Variants in MSI2 observed in about 807,000 individuals in gnomAD.
MSI2 encodes musashi RNA binding protein 2, also known as RNA-binding protein Musashi homolog 2.
In MSI2, 17 loss-of-function variants were observed where a neutral mutation model predicts 45.6. The ratio of observed to expected loss-of-function variants is 0.37; its 90% CI spans 0.26 to 0.56. The LOEUF is 0.56. Among genes scored for constraint, MSI2 ranks in the 20% least tolerant of loss-of-function variants. The pLI is 0.77. For synonymous variants in MSI2, 156 were observed against 158.2 expected, an observed-to-expected ratio of 0.99 and a Z score of 0.11; for missense variants, 293 against 444.2, an observed-to-expected ratio of 0.66 and a Z score of 3.06.
intron 7 of MSI2, among the ~76,000 whole-genome samples, chr17:57,586,788 G>A (rs527712514): frequency 6.6e-6 from 1 of 151,988 alleles, no homozygotes; most frequent in East Asian, 1.9e-4. Flanking sequence ...CAAAATGGGA[G>A]GATCACTTGA....
intron 7 of MSI2, among the ~76,000 whole-genome samples, chr17:57,550,361 T>C (rs2087275488): frequency 6.6e-6 from 1 of 152,212 alleles, no homozygotes. Context: ...TTGGGACTTG[T>C]TCTTCTCCTT....
chr17:57,534,411 G>T, intron 7 of MSI2, among the ~76,000 whole-genome samples: 1 of 152,216 alleles, frequency 6.6e-6, no homozygotes, highest in Non-Finnish European at 1.5e-5. Context: ...GAGCAGAGCT[G>T]TTGTTAAAAC....
chr17:57,343,077 A>G (rs1449298710), intron 5 of MSI2, among the ~76,000 whole-genome samples: 2 of 152,238 alleles, frequency 1.3e-5, no homozygotes, highest in African/African-American at 4.8e-5. Flanking sequence ...GACACGGGTC[A>G]TGATGACTTC....
rs1237534906 is a variant in MSI2, at chr17:57,596,858, T to A, written c.455-10T>A. Reference sequence around the variant, plus strand: ...TCTCTTTGTTTTTTCTTCTCTCTCTTTTCCTTTAGGGTTTGGCTTTGTCAC... The same window carrying A: ...TCTCTTTGTTTTTTCTTCTCTCTCTATTCCTTTAGGGTTTGGCTTTGTCAC... On this transcript the variant is annotated splice_polypyrimidine_tract_variant and intron_variant, in intron 7 of 13. Coordinates refer to ENST00000284073, the MANE Select transcript of MSI2 (RefSeq NM_138962.4). This position sits in a 1 kb window ranked among gnomAD's most constrained non-coding sequence, Gnocchi z 4.6. 6.2e-7 allele frequency: 1 copy of A among 1,607,340 alleles called. No homozygotes were observed. The highest frequency in any genetic ancestry group is 8.5e-7 in the Non-Finnish European group (1 of 1,174,034).
intron 8 of MSI2, among the ~76,000 whole-genome samples, chr17:57,599,813 G>A (rs1261082851): frequency 6.6e-6 from 1 of 152,212 alleles, no homozygotes; most frequent in Non-Finnish European, 1.5e-5. Flanking sequence ...CTGAGCTCCA[G>A]TAAGACAGGG....
intron 6 of MSI2, among the ~76,000 whole-genome samples, chr17:57,519,536 C>T (rs1261258191): frequency 6.6e-5 from 10 of 152,106 alleles, no homozygotes; most frequent in Non-Finnish European, 1.0e-4. Flanking sequence ...CCGGTGATCT[C>T]GAGCTTTTGG....
At chr17:57,644,130 C>G (rs1325146759) in intron 10 of MSI2, among the ~76,000 whole-genome samples, 1 of 152,182 alleles carries the variant, frequency 6.6e-6, no homozygotes, top group South Asian at 2.1e-4. Context: ...GTGTTGGTAC[C>G]CTTGGGAATG....
rs978810248 is a variant in MSI2 at position 57,286,129 on chromosome 17, A to C, written c.312+23937A>C. The stretch of plus-strand genomic sequence containing the variant: ...TCTTTTGTCTAATACCTAATTCCTT[A>C]TCTCATTTTTGGGATTTTGAGAGAA... On this transcript the variant is annotated intron_variant, in intron 5 of 13. Transcript: ENST00000284073. The C allele has an allele frequency of 6.3e-6, 4 of 633,912 alleles. No individual in the cohort carries two copies. In the African/African-American group the frequency reaches 7.5e-5, roughly 12 times the overall value. The allele number at this position is 633,912 out of a possible 1,614,324, so 39.3% of individuals were successfully genotyped here. A position where few individuals can be genotyped will look rare whatever the true frequency, so the allele number is the denominator to read the frequency against.
chr17:57,340,418 G>A (rs1915037412), intron 5 of MSI2, among the ~76,000 whole-genome samples: 1 of 152,184 alleles, frequency 6.6e-6, no homozygotes, highest in African/African-American at 2.4e-5. Flanking sequence ...CTCTTTGGAG[G>A]CTGAAATGAG....
At chr17:57,288,628 C>T (rs1023744138) in intron 5 of MSI2, among the ~76,000 whole-genome samples, 1 of 152,120 alleles carries the variant, frequency 6.6e-6, no homozygotes, top group Non-Finnish European at 1.5e-5. Flanking sequence ...ATCCCAGTGT[C>T]TAGATGATAG....
At chr17:57,690,285 T>C in the MSI2 span, among the ~76,000 whole-genome samples, 1 of 152,068 alleles carries the variant, frequency 6.6e-6, no homozygotes, top group Admixed American at 6.6e-5. Flanking sequence ...TCTTCTTTGA[T>C]GAAGTACTTG....
intron 7 of MSI2, among the ~76,000 whole-genome samples, chr17:57,554,238 AG>A (rs55697922): frequency 0.016 from 1,407 of 88,414 alleles, 22 homozygotes; most frequent in African/African-American, 0.054. Context: ...GGGGCGGGGG[AG>A]GGGGGGGATG....
At chr17:57,505,992 C>T (rs1448272861) in intron 6 of MSI2, among the ~76,000 whole-genome samples, 1 of 152,194 alleles carries the variant, frequency 6.6e-6, no homozygotes, top group Non-Finnish European at 1.5e-5. Context: ...TGATGGCCCC[C>T]TCCAGACTCT....
At chr17:57,530,522 T>TA (rs2086800049) in intron 7 of MSI2, among the ~76,000 whole-genome samples, 1 of 152,116 alleles carries the variant, frequency 6.6e-6, no homozygotes, top group Admixed American at 6.5e-5. Flanking sequence ...GGTGATGACT[T>TA]AGTGTTCTGT....
At chr17:57,454,704 G>A (rs948984927) in intron 6 of MSI2, among the ~76,000 whole-genome samples, 1 of 152,136 alleles carries the variant, frequency 6.6e-6, no homozygotes, top group Non-Finnish European at 1.5e-5. Flanking sequence ...CAAAGTGCTG[G>A]GATTGCAGGC....
At chr17:57,632,716 T>C in intron 10 of MSI2, 1 of 1,065,948 alleles carries the variant, frequency 9.4e-7, no homozygotes, top group East Asian at 5.0e-5. Flanking sequence ...TCTCTTGGAA[T>C]AATGACGTAC....
At chr17:57,675,875 T>C (rs1913192954) in intron 12 of MSI2, among the ~76,000 whole-genome samples, 1 of 152,202 alleles carries the variant, frequency 6.6e-6, no homozygotes, top group Admixed American at 6.5e-5. Context: ...GCTTAACAGA[T>C]TTGCATGCTG....
intron 5 of MSI2, among the ~76,000 whole-genome samples, chr17:57,387,327 C>A (rs984547244): frequency 1.3e-5 from 2 of 152,156 alleles, no homozygotes; most frequent in African/African-American, 4.8e-5. Context: ...CTGTTGTTTC[C>A]TTTTCTCTTC....
rs71139995 is a variant in MSI2 at position 57,440,413 on chromosome 17, C to CGTGTGTGTGTGTGTGT, written c.405+38981_405+38996dup. Among the ~76,000 whole-genome samples, 1,012 of 104,578 alleles carry CGTGTGTGTGTGTGTGT rather than the reference C, an allele frequency of 9.7e-3. 72 individuals carry two copies. Among genetic ancestry groups the CGTGTGTGTGTGTGTGT allele is most frequent in the East Asian group, 0.025 (72 of 2,904 alleles). The allele number at this position is 104,578 out of a possible 152,430, so 68.6% of individuals were successfully genotyped here. ...ACAGTCTTACCTGGGGTTTGTTATC[C>CGTGTGTGTGTGTGTGT]GTGTGTGTGTGTGTGTGTGTGTGTG... On this transcript the variant is annotated intron_variant, in intron 6 of 13. Transcript: ENST00000284073.
Sources: allele counts gnomAD v4.1 joint callset (sites outside exome capture counted in the v4.1 genomes callset), GRCh38; gene constraint gnomAD v4.1.1; non-coding constraint Gnocchi (gnomAD v3.1); transcripts MANE v1.5; gene names NCBI Gene and HGNC (gene_info 2026-07-23, HGNC 2026-07-21).